SPMIP2: variants seen among roughly 807,000 people sequenced by gnomAD.
SPMIP2 encodes sperm microtubule inner protein 2.
At chr4:158,896,888 C>T in the SPMIP2 span, among the ~76,000 whole-genome samples, 1 of 149,642 alleles carries the variant, frequency 6.7e-6, no homozygotes, top group Non-Finnish European at 1.5e-5. Context: ...GATACATGTG[C>T]AAAACGTGCA....
the SPMIP2 span, among the ~76,000 whole-genome samples, chr4:158,930,402 T>C: frequency 2.0e-5 from 3 of 151,896 alleles, no homozygotes; most frequent in African/African-American, 7.3e-5. Flanking sequence ...AGAGACAGGA[T>C]TTCATCATGT....
chr4:158,926,906 C>T, the SPMIP2 span, among the ~76,000 whole-genome samples: 12 of 152,232 alleles, frequency 7.9e-5, no homozygotes, highest in Middle Eastern at 3.4e-3. Flanking sequence ...ATACAATGTT[C>T]ACCATTTGGT....
chr4:159,008,436 G>A, the SPMIP2 span, among the ~76,000 whole-genome samples: 1 of 152,148 alleles, frequency 6.6e-6, no homozygotes, highest in Non-Finnish European at 1.5e-5. Flanking sequence ...AGGTGTGGTG[G>A]CACACGCCTA....
the SPMIP2 span, among the ~76,000 whole-genome samples, chr4:159,066,589 T>TTATATATATATATATATATATATATATA: frequency 1.0e-4 from 8 of 76,600 alleles, no homozygotes; most frequent in Non-Finnish European, 1.1e-4. Context: ...TGTGTGTATT[T>TTATATATATATATATATATATATATATA]TATATATATA....
the SPMIP2 span, among the ~76,000 whole-genome samples, chr4:158,947,096 T>G: frequency 6.6e-6 from 1 of 152,110 alleles, no homozygotes. Flanking sequence ...GAAGACAGTT[T>G]TTACTGAACA....
chr4:159,021,794 T>A, the SPMIP2 span, among the ~76,000 whole-genome samples: 1 of 152,212 alleles, frequency 6.6e-6, no homozygotes, highest in Non-Finnish European at 1.5e-5. Flanking sequence ...TTTGTATCCA[T>A]GCAGACAAAA....
At chr4:159,030,616 C>T in the SPMIP2 span, among the ~76,000 whole-genome samples, 1 of 151,920 alleles carries the variant, frequency 6.6e-6, no homozygotes, top group Admixed American at 6.6e-5. Flanking sequence ...CATGCCTCAG[C>T]CTCTTGAGTA....
the SPMIP2 span, among the ~76,000 whole-genome samples, chr4:158,934,671 C>T: frequency 9.2e-5 from 14 of 152,246 alleles, no homozygotes; most frequent in Non-Finnish European, 1.9e-4. Context: ...CCTCAAAATA[C>T]TCTCTCCTTC....
At chr4:158,930,031 G>A in the SPMIP2 span, among the ~76,000 whole-genome samples, 1 of 151,930 alleles carries the variant, frequency 6.6e-6, no homozygotes, top group Non-Finnish European at 1.5e-5. Flanking sequence ...TTTCATTTTC[G>A]AGGCATAAAA....
chr4:158,931,397 T>G, the SPMIP2 span, among the ~76,000 whole-genome samples: 1 of 152,122 alleles, frequency 6.6e-6, no homozygotes, highest in Non-Finnish European at 1.5e-5. Context: ...CTAGAGGCAC[T>G]GTCACTATGC....
chr4:159,049,409 G>T, the SPMIP2 span, among the ~76,000 whole-genome samples: 30 of 152,298 alleles, frequency 2.0e-4, no homozygotes, highest in Admixed American at 4.6e-4. Flanking sequence ...GATTCGCAAA[G>T]ATTGATTAAG....
At chr4:159,070,068 A>G in the SPMIP2 span, among the ~76,000 whole-genome samples, 3 of 151,912 alleles carry the variant, frequency 2.0e-5, no homozygotes. Flanking sequence ...TTGTAACAAC[A>G]ATTACTCATG....
the SPMIP2 span, among the ~76,000 whole-genome samples, chr4:158,928,932 ACT>A: frequency 1.3e-5 from 2 of 152,062 alleles, no homozygotes; most frequent in East Asian, 3.9e-4. Context: ...GAAGGAAGAA[ACT>A]CTGAACGCAT....
At chr4:159,017,528 G>C in the SPMIP2 span, among the ~76,000 whole-genome samples, 1 of 151,810 alleles carries the variant, frequency 6.6e-6, no homozygotes, top group African/African-American at 2.4e-5. Context: ...CTACAGCCTT[G>C]AACTCCTGGG....
the SPMIP2 span, among the ~76,000 whole-genome samples, chr4:158,924,842 A>C: frequency 6.6e-6 from 1 of 152,200 alleles, no homozygotes; most frequent in South Asian, 2.1e-4. Context: ...CATTCTGTTG[A>C]CATGGTATAT....
the SPMIP2 span, chr4:159,034,895 A>T: frequency 4.4e-6 from 3 of 684,056 alleles, no homozygotes; most frequent in Non-Finnish European, 7.3e-6. Flanking sequence ...TGTCTCAAAA[A>T]AAAAAACCCA....
the SPMIP2 span, among the ~76,000 whole-genome samples, chr4:158,913,419 T>A: frequency 6.6e-6 from 1 of 152,020 alleles, no homozygotes; most frequent in Non-Finnish European, 1.5e-5. Flanking sequence ...AGATGGGGTC[T>A]CACTATGTTG....
the SPMIP2 span, among the ~76,000 whole-genome samples, chr4:158,914,946 G>A: frequency 6.6e-6 from 1 of 152,074 alleles, no homozygotes. Flanking sequence ...AAATTCTGAG[G>A]ACACAACCTC....
chr4:159,001,941 G>A, the SPMIP2 span, among the ~76,000 whole-genome samples: 3 of 152,166 alleles, frequency 2.0e-5, no homozygotes, highest in East Asian at 5.8e-4. Context: ...CACAATGGTT[G>A]AACTAATTTA....
Sources: allele counts gnomAD v4.1 joint callset (sites outside exome capture counted in the v4.1 genomes callset), GRCh38; gene constraint gnomAD v4.1.1; transcripts MANE v1.5; gene names NCBI Gene and HGNC (gene_info 2026-07-23, HGNC 2026-07-21).